KCNH7: variants seen among roughly 807,000 people sequenced by gnomAD.
KCNH7 encodes the protein voltage-gated inwardly rectifying potassium channel KCNH7.
A neutral mutation model predicts 120.8 loss-of-function variants in KCNH7; 49 were observed. The ratio of observed to expected loss-of-function variants is 0.41; its 90% CI spans 0.32 to 0.51. KCNH7 has a LOEUF of 0.51. Ranked by LOEUF, KCNH7 falls within the 20% of genes least tolerant of loss-of-function variation. The probability of loss-of-function intolerance (pLI) is 0.38; values close to 1 mark genes in which losing one functional copy is unlikely to be tolerated. For missense variants in KCNH7, 1,097 were observed against 1,446.6 expected, an observed-to-expected ratio of 0.76 and a Z score of 3.92; for synonymous variants, 547 against 516.1, an observed-to-expected ratio of 1.06 and a Z score of -0.81.
intron 6 of KCNH7, among the ~76,000 whole-genome samples, chr2:162,450,329 T>C (rs1688726785): frequency 6.6e-6 from 1 of 152,068 alleles, no homozygotes; most frequent in Non-Finnish European, 1.5e-5. Context: ...TGCAATTTGG[T>C]ATGTATAACA....
At chr2:162,479,801 C>T (rs1689868347) in intron 6 of KCNH7, among the ~76,000 whole-genome samples, 1 of 151,942 alleles carries the variant, frequency 6.6e-6, no homozygotes, top group Non-Finnish European at 1.5e-5. Context: ...TTTGGAGAAG[C>T]ATTGTGGAGA....
intron 9 of KCNH7, among the ~76,000 whole-genome samples, chr2:162,413,434 T>A (rs2105470026): frequency 6.6e-6 from 1 of 152,242 alleles, no homozygotes; most frequent in South Asian, 2.1e-4. Flanking sequence ...GCCAAACCAT[T>A]CTTATACTAC....
intron 2 of KCNH7, among the ~76,000 whole-genome samples, chr2:162,613,461 T>C (rs1391676923): frequency 6.6e-6 from 1 of 151,998 alleles, no homozygotes; most frequent in African/African-American, 2.4e-5. Flanking sequence ...ACAAAAAATA[T>C]CTTAGTTACT....
At chr2:162,499,832 T>C (rs1690616701) in intron 6 of KCNH7, among the ~76,000 whole-genome samples, 1 of 152,122 alleles carries the variant, frequency 6.6e-6, no homozygotes, top group African/African-American at 2.4e-5. Context: ...TTCCCACATG[T>C]GTTTCACTCC....
chr2:162,374,818 A>G (rs567026900), intron 14 of KCNH7, among the ~76,000 whole-genome samples: 1 of 152,188 alleles, frequency 6.6e-6, no homozygotes, highest in Non-Finnish European at 1.5e-5. Context: ...ATAGCCATAT[A>G]GCTTTGTGTC....
intron 2 of KCNH7, among the ~76,000 whole-genome samples, chr2:162,726,663 G>A (rs1399794131): frequency 2.6e-5 from 4 of 152,026 alleles, no homozygotes; most frequent in Admixed American, 6.6e-5. Context: ...CAAGTGATCC[G>A]CCCACCTCGG....
intron 2 of KCNH7, among the ~76,000 whole-genome samples, chr2:162,560,358 A>G (rs796314435): frequency 2.6e-5 from 4 of 152,296 alleles, no homozygotes; most frequent in African/African-American, 9.6e-5. Flanking sequence ...TCTAACTGTA[A>G]CATCGGAACA....
intron 2 of KCNH7, among the ~76,000 whole-genome samples, chr2:162,637,221 A>T (rs1239346825): frequency 6.6e-6 from 1 of 152,024 alleles, no homozygotes; most frequent in Non-Finnish European, 1.5e-5. Flanking sequence ...CCACATTTCT[A>T]GTCTCTTTCC....
At chr2:162,596,659 A>G (rs1206758172) in intron 2 of KCNH7, among the ~76,000 whole-genome samples, 1 of 152,044 alleles carries the variant, frequency 6.6e-6, no homozygotes, top group African/African-American at 2.4e-5. Flanking sequence ...AATCTCTTAC[A>G]TAAGACCCCA....
At chr2:162,584,870 G>C (rs1200067088) in intron 2 of KCNH7, among the ~76,000 whole-genome samples, 1 of 149,902 alleles carries the variant, frequency 6.7e-6, no homozygotes, top group Non-Finnish European at 1.5e-5. Flanking sequence ...TTTAGCTCTG[G>C]GCAAGTCACT....
intron 2 of KCNH7, among the ~76,000 whole-genome samples, chr2:162,594,071 G>T (rs1461018329): frequency 6.6e-6 from 1 of 151,852 alleles, no homozygotes; most frequent in African/African-American, 2.4e-5. Context: ...CTTTTCTTTG[G>T]TTTCATAGCA....
intron 2 of KCNH7, among the ~76,000 whole-genome samples, chr2:162,561,077 ATG>A (rs2105878909): frequency 6.6e-6 from 1 of 151,598 alleles, no homozygotes; most frequent in African/African-American, 2.4e-5. Flanking sequence ...CTATCTGGAA[ATG>A]TTGTTTTTAC....
chr2:162,656,398 G>A (rs1042819531), intron 2 of KCNH7, among the ~76,000 whole-genome samples: 14 of 152,158 alleles, frequency 9.2e-5, no homozygotes, highest in African/African-American at 3.1e-4. Context: ...ATAGAAATGT[G>A]TCTCAAATTC....
At chr2:162,710,376 G>A (rs1686884474) in intron 2 of KCNH7, among the ~76,000 whole-genome samples, 1 of 152,026 alleles carries the variant, frequency 6.6e-6, no homozygotes, top group Non-Finnish European at 1.5e-5. Flanking sequence ...TTCTATTTTT[G>A]TTTCCATTGA....
chr2:162,470,096 G>A (rs184730137), intron 6 of KCNH7, among the ~76,000 whole-genome samples: 2 of 152,206 alleles, frequency 1.3e-5, no homozygotes, highest in Admixed American at 1.3e-4. Flanking sequence ...GCCTCCCAAA[G>A]TGCCGAGATT....
Position 162,751,985 on chromosome 2 carries a change from AT to A in KCNH7, c.307+84551del, listed in dbSNP as rs1186374068. ...TTCTAGTGATTTTCAAGAAAAAATA[AT>A]TTGTTTGTTTTCTTAAGTATTTGCT... On this transcript the variant is annotated intron_variant, in intron 2 of 15. Coordinates refer to ENST00000332142, the MANE Select transcript of KCNH7 (RefSeq NM_033272.4). Among the ~76,000 whole-genome samples the A allele has an allele frequency of 4.6e-5, 7 of 152,150 alleles. No homozygotes were observed. The South Asian group carries it at 1.2e-3, about 27-fold the overall frequency.
chr2:162,377,010 G>A (rs1441867745), intron 14 of KCNH7, among the ~76,000 whole-genome samples: 1 of 152,138 alleles, frequency 6.6e-6, no homozygotes, highest in African/African-American at 2.4e-5. Flanking sequence ...TACTTAATAT[G>A]TGTATTTGAA....
intron 2 of KCNH7, among the ~76,000 whole-genome samples, chr2:162,646,313 T>A (rs6720488): frequency 0.028 from 4,303 of 152,304 alleles, 205 homozygotes; most frequent in African/African-American, 0.098. Flanking sequence ...TGAATTTATC[T>A]GGTATATTAT....
intron 2 of KCNH7, among the ~76,000 whole-genome samples, chr2:162,673,922 C>T (rs1274678287): frequency 6.6e-6 from 1 of 151,662 alleles, no homozygotes; most frequent in East Asian, 1.9e-4. Context: ...AATACCAAAC[C>T]AAAACAACAA....
Sources: gnomAD v4.1 joint callset for allele counts (sites outside exome capture counted in the v4.1 genomes callset) on GRCh38, gnomAD v4.1.1 for gene constraint, MANE v1.5 for transcripts, NCBI Gene and HGNC (gene_info 2026-07-23, HGNC 2026-07-21) for gene names.